Variants in B3GALT1 observed in about 807,000 individuals in gnomAD.
B3GALT1 encodes beta-1,3-galactosyltransferase 1, also known as UDP-Gal:betaGlcNAc beta 1,3-galactosyltransferase, polypeptide 1.
B3GALT1 carries 10 observed loss-of-function variants against 23.2 expected under a neutral mutation model. That is an observed-to-expected ratio of 0.43 (90% CI 0.27 to 0.73). B3GALT1 has a LOEUF of 0.73. Among genes scored for constraint, B3GALT1 ranks in the 30% least tolerant of loss-of-function variants. The pLI is 0.21. For synonymous variants in B3GALT1, 156 were observed against 141.5 expected, an observed-to-expected ratio of 1.10 and a Z score of -0.73; for missense variants, 299 against 405.4, an observed-to-expected ratio of 0.74 and a Z score of 2.25.
At chr2:167,599,400 A>G (rs1684835056) in intron 2 of B3GALT1, among the ~76,000 whole-genome samples, 1 of 152,192 alleles carries the variant, frequency 6.6e-6, no homozygotes, top group African/African-American at 2.4e-5. Flanking sequence ...ATCCAAAAAC[A>G]GATCACATTT....
intron 3 of B3GALT1, among the ~76,000 whole-genome samples, chr2:167,801,374 C>T (rs10930285): frequency 0.18 from 27,015 of 151,974 alleles, 2,566 homozygotes; most frequent in East Asian, 0.3. Context: ...TCCTCCAGAC[C>T]ATACTTTAAA....
At chr2:167,549,082 A>G (rs1201152178) in intron 2 of B3GALT1, among the ~76,000 whole-genome samples, 1 of 152,220 alleles carries the variant, frequency 6.6e-6, no homozygotes, top group African/African-American at 2.4e-5. Flanking sequence ...ACTTTTTAGA[A>G]TCACTTATAG....
intron 1 of B3GALT1, among the ~76,000 whole-genome samples, chr2:167,385,251 A>G (rs996387726): frequency 2.0e-5 from 3 of 152,138 alleles, no homozygotes; most frequent in South Asian, 4.2e-4. Context: ...CTGTTTGTCT[A>G]CTTCCAACTC....
rs150516355 is a variant in B3GALT1, at chr2:167,635,739, G to A, written c.-409-11170G>A. 3.6e-4 allele frequency among the ~76,000 whole-genome samples: 55 copies of A among 152,146 alleles called. No individual in the cohort carries two copies. The East Asian group carries it at 0.01, about 29-fold the overall frequency. ...AAAATTTCATGCTCATGGATAGGAA[G>A]AATCAATATTGTGAAAACGGCCATA... On this transcript the variant is annotated intron_variant, in intron 2 of 4. Coordinates refer to ENST00000392690, the MANE Select transcript of B3GALT1 (RefSeq NM_020981.4).
intron 4 of B3GALT1, among the ~76,000 whole-genome samples, chr2:167,831,175 C>G (rs1375887930): frequency 6.6e-6 from 1 of 152,218 alleles, no homozygotes; most frequent in Non-Finnish European, 1.5e-5. Context: ...ACTGCTGTCC[C>G]TCTCCTGTCT....
intron 1 of B3GALT1, among the ~76,000 whole-genome samples, chr2:167,410,326 C>G (rs1332463400): frequency 6.6e-6 from 1 of 151,858 alleles, no homozygotes; most frequent in African/African-American, 2.4e-5. Flanking sequence ...CCCATCTCTA[C>G]TAAAAATACA....
At chr2:167,504,457 T>C (rs1395608246) in intron 2 of B3GALT1, among the ~76,000 whole-genome samples, 1 of 152,228 alleles carries the variant, frequency 6.6e-6, no homozygotes, top group African/African-American at 2.4e-5. Flanking sequence ...TGTTTTGTGA[T>C]TGGGTTGCAT....
intron 1 of B3GALT1, among the ~76,000 whole-genome samples, chr2:167,389,596 G>A (rs1205717165): frequency 6.6e-6 from 1 of 152,118 alleles, no homozygotes; most frequent in African/African-American, 2.4e-5. Context: ...ACAGGCCTCC[G>A]AAATGGGGAA....
At chr2:167,596,599 GTTA>G in intron 2 of B3GALT1, among the ~76,000 whole-genome samples, 2 of 152,244 alleles carry the variant, frequency 1.3e-5, no homozygotes, top group Non-Finnish European at 2.9e-5. Context: ...GAATGTCATT[GTTA>G]TTATTATTGA....
At chr2:167,312,575 A>G (rs1696649809) in intron 1 of B3GALT1, among the ~76,000 whole-genome samples, 1 of 152,126 alleles carries the variant, frequency 6.6e-6, no homozygotes, top group African/African-American at 2.4e-5. Context: ...TAGAAAATGT[A>G]AGATGGTGAA....
At chr2:167,674,934 C>T (rs982222354) in intron 3 of B3GALT1, among the ~76,000 whole-genome samples, 1 of 152,124 alleles carries the variant, frequency 6.6e-6, no homozygotes, top group Non-Finnish European at 1.5e-5. Flanking sequence ...ATATCACCTT[C>T]TGAAATTATT....
intron 3 of B3GALT1, among the ~76,000 whole-genome samples, chr2:167,649,464 C>T (rs1184567294): frequency 2.6e-5 from 4 of 152,040 alleles, no homozygotes; most frequent in African/African-American, 4.8e-5. Flanking sequence ...CTTTACATTT[C>T]TCTCCTTCCC....
At chr2:167,850,237 A>G (rs1052374312) in intron 4 of B3GALT1, among the ~76,000 whole-genome samples, 29 of 152,354 alleles carry the variant, frequency 1.9e-4, no homozygotes, top group African/African-American at 7.0e-4. Flanking sequence ...GGCTTAGGAC[A>G]TGCATAGACA....
intron 3 of B3GALT1, among the ~76,000 whole-genome samples, chr2:167,727,134 T>C (rs963892663): frequency 2.6e-5 from 4 of 151,804 alleles, no homozygotes; most frequent in Admixed American, 1.3e-4. Context: ...ATACCATTAA[T>C]GTCACAGAGC....
At chr2:167,413,559 T>C (rs999648719) in intron 1 of B3GALT1, among the ~76,000 whole-genome samples, 2 of 152,044 alleles carry the variant, frequency 1.3e-5, no homozygotes, top group Non-Finnish European at 2.9e-5. Context: ...AATGCATATG[T>C]ATTTATAATG....
At chr2:167,819,854 T>G (rs778388183) in intron 4 of B3GALT1, among the ~76,000 whole-genome samples, 2 of 152,248 alleles carry the variant, frequency 1.3e-5, no homozygotes, top group Non-Finnish European at 1.5e-5. Flanking sequence ...ATGTTGGTTT[T>G]CACAGCCTTT....
At chr2:167,428,374 A>G (rs1251531877) in intron 1 of B3GALT1, among the ~76,000 whole-genome samples, 1 of 152,176 alleles carries the variant, frequency 6.6e-6, no homozygotes, top group African/African-American at 2.4e-5. Flanking sequence ...ATTCAAGAGA[A>G]TACTGGTATT....
At chr2:167,352,306 A>T (rs1322796011) in intron 1 of B3GALT1, among the ~76,000 whole-genome samples, 1 of 139,546 alleles carries the variant, frequency 7.2e-6, no homozygotes, top group Non-Finnish European at 1.5e-5. Context: ...GTCCTTCGCT[A>T]TTTGCTTCTC....
intron 2 of B3GALT1, among the ~76,000 whole-genome samples, chr2:167,551,958 A>G (rs918950141): frequency 6.6e-6 from 1 of 152,212 alleles, no homozygotes; most frequent in African/African-American, 2.4e-5. Flanking sequence ...AATCCTTTTC[A>G]GTAGAGTAAA....
Sources: allele counts gnomAD v4.1 joint callset (sites outside exome capture counted in the v4.1 genomes callset), GRCh38; gene constraint gnomAD v4.1.1; transcripts MANE v1.5; gene names NCBI Gene and HGNC (gene_info 2026-07-23, HGNC 2026-07-21).